PTPRQ: variants seen among roughly 807,000 people sequenced by gnomAD.
PTPRQ encodes the protein phosphatidylinositol phosphatase PTPRQ.
A neutral mutation model predicts 246.0 loss-of-function variants in PTPRQ; 199 were observed. The observed-to-expected ratio is 0.81, with a 90% CI of 0.72 to 0.91. PTPRQ has a LOEUF of 0.91. Among genes scored for constraint, PTPRQ ranks in the 40% least tolerant of loss-of-function variants. PTPRQ has a pLI of 0.00. For synonymous variants in PTPRQ, 869 were observed against 853.2 expected (o/e 1.02, Z -0.32); for missense variants, 2,624 against 2,528.4 (o/e 1.04, Z -0.81).
At chr12:80,479,000 C>T (rs1214755021) in intron 8 of PTPRQ, among the ~76,000 whole-genome samples, 10 of 151,812 alleles carry the variant, frequency 6.6e-5, no homozygotes, top group Non-Finnish European at 8.8e-5. Flanking sequence ...GGCAGGCCAA[C>T]GTTCAGATTC....
chr12:80,470,745 A>G (rs1290447905), intron 7 of PTPRQ, among the ~76,000 whole-genome samples: 1 of 152,206 alleles, frequency 6.6e-6, no homozygotes. Flanking sequence ...TAAAACAAAA[A>G]TAAAATAGGT....
Position 80,506,044 on chromosome 12 carries a change from A to T in PTPRQ, c.2293A>T (p.Asn765Tyr). Residue 765 changes from asparagine (N) to tyrosine (Y), a missense_variant, in exon 15 of 45, where the codon AAT becomes TAT. Coordinates refer to ENST00000644991, the MANE Select transcript of PTPRQ (RefSeq NM_001145026.2). Reference protein sequence around the residue: ...SETVPDSAPENITYKNISSGE... With the variant: ...SETVPDSAPEYITYKNISSGE... ...TTCAGTGCCTGATAGTGCACCAGAA[A>T]ATATCACTTACAAAAATATTTCTTC... 2 of 1,546,840 alleles carry T rather than the reference A, an allele frequency of 1.3e-6. No individual in the cohort carries two copies. The highest frequency in any genetic ancestry group is 2.4e-5 in the South Asian group (2 of 82,676).
intron 3 of PTPRQ, among the ~76,000 whole-genome samples, chr12:80,453,118 A>T (rs1892830772): frequency 6.6e-6 from 1 of 151,768 alleles, no homozygotes; most frequent in African/African-American, 2.4e-5. Flanking sequence ...CATTCATTTC[A>T]TCTTCCATCA....
intron 22 of PTPRQ, 118 bp from the exon 23 acceptor site, chr12:80,542,612 T>C: frequency 8.0e-7 from 1 of 1,257,524 alleles, no homozygotes; most frequent in Non-Finnish European, 1.1e-6. Flanking sequence ...TTTCTGAAAT[T>C]TAAATATGAT....
chr12:80,590,225 C>T (rs1897747572), intron 26 of PTPRQ, among the ~76,000 whole-genome samples: 1 of 152,144 alleles, frequency 6.6e-6, no homozygotes, highest in Admixed American at 6.5e-5. Context: ...ATTTCAACCA[C>T]ACCATCTAAA....
chr12:80,613,996 C>T (rs1284411623), intron 29 of PTPRQ, among the ~76,000 whole-genome samples, 160 bp downstream of exon 29: 1 of 150,572 alleles, frequency 6.6e-6, no homozygotes, highest in African/African-American at 2.4e-5. Context: ...ACTGAAATTA[C>T]CTATTTTCTG....
intron 25 of PTPRQ, among the ~76,000 whole-genome samples, chr12:80,557,531 A>G (rs568959182): frequency 1.1e-4 from 16 of 151,848 alleles, no homozygotes; most frequent in Non-Finnish European, 2.4e-4. Flanking sequence ...AGCAAACACC[A>G]AGTATGCATA....
Position 80,588,372 on chromosome 12 carries a change from A to T in PTPRQ, c.4529A>T (p.Tyr1510Phe), listed in dbSNP as rs1198129911. 6.5e-7 allele frequency: 1 copy of T among 1,539,334 alleles called. No individual in the cohort carries two copies. Among genetic ancestry groups the T allele is most frequent in the Non-Finnish European group, 8.8e-7 (1 of 1,139,742 alleles). The change falls in exon 26 of 45, where the codon TAT (tyrosine) becomes TTT (phenylalanine). Residue 1510 changes from tyrosine (Y) to phenylalanine (F), a missense_variant. Tyr to Phe is a conservative substitution (Grantham distance 22). Coordinates refer to ENST00000644991, the MANE Select transcript of PTPRQ (RefSeq NM_001145026.2). The stretch of plus-strand genomic sequence containing the variant: ...TATGGATTAAAGAAATTTAGATGGT[A>T]TAGATTCCAAGTGGCTGCCAGCACC... ...TVYGLKKFRW[Y>F]RFQVAASTNA...
chr12:80,485,524 T>C (rs1456814894), intron 9 of PTPRQ, among the ~76,000 whole-genome samples: 4 of 152,186 alleles, frequency 2.6e-5, no homozygotes, highest in Non-Finnish European at 1.5e-5. Context: ...AGCCTTCCTC[T>C]ATTTCTGGCA....
At chr12:80,469,119 A>G (rs989731146) in intron 7 of PTPRQ, among the ~76,000 whole-genome samples, 1 of 152,338 alleles carries the variant, frequency 6.6e-6, no homozygotes, top group African/African-American at 2.4e-5. Flanking sequence ...GGAGATATAC[A>G]TCTTCAAATA....
chr12:80,556,345 A>G (rs1044999184), intron 25 of PTPRQ, among the ~76,000 whole-genome samples: 1 of 152,200 alleles, frequency 6.6e-6, no homozygotes, highest in Non-Finnish European at 1.5e-5. Flanking sequence ...ATTTAATTAA[A>G]TAAATATTCA....
chr12:80,456,118 TAGAG>T (rs1221375137), intron 3 of PTPRQ, among the ~76,000 whole-genome samples: 5 of 152,234 alleles, frequency 3.3e-5, no homozygotes, highest in East Asian at 3.9e-4. Flanking sequence ...AATAATTAAA[TAGAG>T]AGAAGAAAAT....
chr12:80,662,829 A>G (rs1465193571), intron 39 of PTPRQ, among the ~76,000 whole-genome samples: 1 of 152,020 alleles, frequency 6.6e-6, no homozygotes, highest in Non-Finnish European at 1.5e-5. Context: ...AGTAAACTCT[A>G]TATTCCAATT....
At chr12:80,466,237 G>C (rs572019529) in intron 6 of PTPRQ, among the ~76,000 whole-genome samples, 1 of 152,164 alleles carries the variant, frequency 6.6e-6, no homozygotes, top group Non-Finnish European at 1.5e-5. Context: ...GCCAAATCAT[G>C]AGTGAACTCC....
At chr12:80,543,445 C>G (rs1896214343) in intron 23 of PTPRQ, among the ~76,000 whole-genome samples, 1 of 151,890 alleles carries the variant, frequency 6.6e-6, no homozygotes, top group Admixed American at 6.6e-5. Flanking sequence ...ACTGATGCAA[C>G]AAAGAGTCTC....
intron 33 of PTPRQ, among the ~76,000 whole-genome samples, chr12:80,623,152 A>T (rs781764719): frequency 1.3e-5 from 2 of 152,096 alleles, no homozygotes; most frequent in Non-Finnish European, 2.9e-5. Context: ...AATAGACTTC[A>T]GTGAGAGTTA....
At position 80,534,571 on chromosome 12, in the gene PTPRQ, G is replaced by A. The variant is rs1373761285; in HGVS notation, c.2840-321G>A. 3.9e-5 allele frequency among the ~76,000 whole-genome samples: 6 copies of A among 152,050 alleles called. No individual in the cohort carries two copies. In the South Asian group the frequency reaches 8.3e-4, roughly 21 times the overall value. On this transcript the variant is annotated intron_variant, in intron 18 of 44. Transcript: ENST00000644991. The stretch of plus-strand genomic sequence containing the variant: ...AATATAAAAATTCTAAGTTATATTA[G>A]AATTTCAAATTATGTATTTTGTATT...
intron 35 of PTPRQ, among the ~76,000 whole-genome samples, chr12:80,635,804 C>A (rs150208530): frequency 6.6e-6 from 1 of 152,020 alleles, no homozygotes; most frequent in Non-Finnish European, 1.5e-5. Flanking sequence ...GCTATTTTAA[C>A]GTTTGCATTT....
chr12:80,475,146 C>T (rs1039746637), intron 8 of PTPRQ, among the ~76,000 whole-genome samples: 1 of 151,990 alleles, frequency 6.6e-6, no homozygotes, highest in African/African-American at 2.4e-5. Flanking sequence ...TTCATTTGAA[C>T]ACTTCAAATC....
Sources: gnomAD v4.1 joint callset for allele counts (sites outside exome capture counted in the v4.1 genomes callset) on GRCh38, gnomAD v4.1.1 for gene constraint, MANE v1.5 for transcripts, NCBI Gene and HGNC (gene_info 2026-07-23, HGNC 2026-07-21) for gene names.